DAB1: variants seen among roughly 807,000 people sequenced by gnomAD.
DAB1 encodes the protein DAB adaptor protein 1.
Under a neutral mutation model 64.6 loss-of-function variants are expected in DAB1, and 15 were observed. That is an observed-to-expected ratio of 0.23 (90% CI 0.16 to 0.36). The LOEUF (loss-of-function observed/expected upper bound fraction) is 0.36, where lower values mean the gene tolerates loss of function less well. Ranked by LOEUF, DAB1 falls within the 10% of genes least tolerant of loss-of-function variation. The pLI, the probability that DAB1 is intolerant of heterozygous loss-of-function variation, is 1.00. For missense variants in DAB1, 596 were observed against 706.7 expected (o/e 0.84, Z 1.78); for synonymous variants, 235 against 251.9 (o/e 0.93, Z 0.64).
chr1:58,095,791 C>T (rs556029207), intron 5 of DAB1, among the ~76,000 whole-genome samples: 1 of 152,280 alleles, frequency 6.6e-6, no homozygotes, highest in African/African-American at 2.4e-5. Context: ...ATTATCATAT[C>T]TAAAAATGCC....
chr1:58,028,162 A>ATAAAGT (rs770859618), intron 5 of DAB1, among the ~76,000 whole-genome samples: 4,394 of 152,298 alleles, frequency 0.029, 164 homozygotes, highest in African/African-American at 0.082. Flanking sequence ...GTTGATTATT[A>ATAAAGT]TCTGCAGTAG....
chr1:57,673,135 G>A (rs778357112), intron 6 of DAB1, among the ~76,000 whole-genome samples: 1 of 152,060 alleles, frequency 6.6e-6, no homozygotes, highest in Non-Finnish European at 1.5e-5. Flanking sequence ...TCTGGTGAGG[G>A]TCCACTTCCT....
chr1:57,656,255 T>A (rs1646317457), intron 6 of DAB1, among the ~76,000 whole-genome samples: 1 of 152,184 alleles, frequency 6.6e-6, no homozygotes, highest in Non-Finnish European at 1.5e-5. Context: ...GCCATGATAT[T>A]CTGTTCCAGC....
intron 2 of DAB1, among the ~76,000 whole-genome samples, chr1:57,190,828 C>T (rs155298): frequency 0.26 from 39,671 of 151,976 alleles, 5,743 homozygotes; most frequent in Non-Finnish European, 0.33. Flanking sequence ...CACTGTTGAC[C>T]GAGGGGCTCC....
Position 57,734,185 on chromosome 1 carries a change from A to G in DAB1, n.552-84520T>C, listed in dbSNP as rs76776268. On this transcript the variant is annotated intron_variant and non_coding_transcript_variant, in intron 6 of 20. Coordinates refer to the DAB1 transcript ENST00000485760. ...GTGTAAAGTCTCGTCCTTGCCATTC[A>G]TGGTGTGCCCTTGGGCAACTGAGTC... is the stretch of plus-strand genomic sequence containing the variant. Among the ~76,000 whole-genome samples the G allele has an allele frequency of 3.9e-5, 6 of 152,294 alleles. No homozygotes were observed. The East Asian group carries it at 5.8e-4, about 15-fold the overall frequency.
chr1:57,109,062 T>C (rs1049564811), intron 4 of DAB1, among the ~76,000 whole-genome samples: 2 of 152,194 alleles, frequency 1.3e-5, no homozygotes, highest in Non-Finnish European at 2.9e-5. Flanking sequence ...GCTATGGCCA[T>C]TTGGACTTGG....
intron 1 of DAB1, among the ~76,000 whole-genome samples, chr1:57,345,597 T>C (rs1678013035): frequency 1.3e-5 from 2 of 152,140 alleles, no homozygotes; most frequent in African/African-American, 4.8e-5. Context: ...GTTATTTGAC[T>C]CAGAAATTCT....
chr1:58,074,564 G>GTGTGTGTATTTATATATATATATATA (rs1332531604), intron 5 of DAB1: 1 of 91,632 alleles, frequency 1.1e-5, no homozygotes. Context: ...ATATATGTGT[G>GTGTGTGTATTTATATATATATATATA]TATATATATA....
intron 4 of DAB1, among the ~76,000 whole-genome samples, chr1:57,074,826 G>T (rs1006940071): frequency 6.6e-6 from 1 of 152,122 alleles, no homozygotes; most frequent in Non-Finnish European, 1.5e-5. Context: ...GGACATATTT[G>T]CTAGCAAAAT....
rs115871962 is a variant in DAB1, at chr1:57,227,006, C to T, written c.67+63958G>A. On this transcript the variant is annotated intron_variant, in intron 2 of 14. Coordinates refer to ENST00000371236, the MANE Select transcript of DAB1 (RefSeq NM_001365792.1). ...TAGCCTGGGCAACATAGTGAGACAC[C>T]ATCTCTCAAAAAAAAAAAAAATTGC... Among the ~76,000 whole-genome samples, 1,151 of 143,082 alleles carry T rather than the reference C, an allele frequency of 8.0e-3. 28 individuals carry two copies. Among genetic ancestry groups the T allele is most frequent in the East Asian group, 0.08 (411 of 5,112 alleles). 93.9% of individuals were successfully genotyped at this position (143,082 alleles called of 152,430 possible).
chr1:57,892,056 CTA>C (rs899603002), intron 5 of DAB1, among the ~76,000 whole-genome samples: 20 of 152,118 alleles, frequency 1.3e-4, no homozygotes, highest in Admixed American at 8.5e-4. Context: ...TAGCGTTTTT[CTA>C]TGTTATCTTT....
chr1:57,460,554 C>T (rs1356095048), intron 7 of DAB1, among the ~76,000 whole-genome samples: 1 of 152,178 alleles, frequency 6.6e-6, no homozygotes, highest in African/African-American at 2.4e-5. Flanking sequence ...TGCATCTGCT[C>T]TTCCTAATTT....
At chr1:57,644,037 C>T (rs1456128158) in intron 7 of DAB1, among the ~76,000 whole-genome samples, 1 of 152,240 alleles carries the variant, frequency 6.6e-6, no homozygotes, top group Non-Finnish European at 1.5e-5. Flanking sequence ...GATTTCCTCT[C>T]TTCCCTCTAT....
At chr1:57,494,491 T>C (rs1438717238) in intron 7 of DAB1, among the ~76,000 whole-genome samples, 2 of 145,998 alleles carry the variant, frequency 1.4e-5, no homozygotes, top group East Asian at 2.0e-4. Flanking sequence ...CTGCATCTCC[T>C]TCCTGAAGCA....
chr1:57,932,320 A>T (rs1176017138), intron 5 of DAB1, among the ~76,000 whole-genome samples: 1 of 152,194 alleles, frequency 6.6e-6, no homozygotes, highest in Admixed American at 6.5e-5. Flanking sequence ...GTTGTTGGAT[A>T]AAGTAGTCTA....
chr1:57,216,868 T>A (rs576930026), intron 2 of DAB1, among the ~76,000 whole-genome samples: 1 of 152,356 alleles, frequency 6.6e-6, no homozygotes, highest in Non-Finnish European at 1.5e-5. Context: ...AGGACTGGGA[T>A]TTCTACTCAG....
chr1:57,372,819 C>T lies in DAB1; in HGVS notation c.-137+51111G>A, dbSNP rs368844041. 2.6e-5 allele frequency among the ~76,000 whole-genome samples: 4 copies of T among 152,100 alleles called. No individual in the cohort carries two copies. In the East Asian group the frequency reaches 5.8e-4, roughly 22 times the overall value. On this transcript the variant is annotated intron_variant, in intron 1 of 14. Transcript: ENST00000371236. Reference sequence around the variant, plus strand: ...GCCTTTAAGATGAATATATGATACACTTCTCGGAGTATCCACTTTACAAGC... The same window carrying T: ...GCCTTTAAGATGAATATATGATACATTTCTCGGAGTATCCACTTTACAAGC...
At chr1:57,216,760 C>T (rs1434646853) in intron 2 of DAB1, among the ~76,000 whole-genome samples, 1 of 152,136 alleles carries the variant, frequency 6.6e-6, no homozygotes, top group African/African-American at 2.4e-5. Context: ...GCAAGGTAAC[C>T]TTGCAAGATA....
intron 7 of DAB1, among the ~76,000 whole-genome samples, chr1:57,509,837 C>T (rs541222658): frequency 2.0e-5 from 3 of 152,274 alleles, no homozygotes; most frequent in Admixed American, 1.3e-4. Context: ...CCAACTGTGT[C>T]GTTATAGTTC....
Sources: allele counts gnomAD v4.1 joint callset (sites outside exome capture counted in the v4.1 genomes callset), GRCh38; gene constraint gnomAD v4.1.1; transcripts MANE v1.5; gene names NCBI Gene and HGNC (gene_info 2026-07-23, HGNC 2026-07-21).